PPFIBP2: variants seen among roughly 807,000 people sequenced by gnomAD.
PPFIBP2 encodes the protein liprin-beta-2.
Under a neutral mutation model 118.3 loss-of-function variants are expected in PPFIBP2, and 118 were observed. The observed-to-expected ratio is 1.00, with a 90% confidence interval of 0.86 to 1.16. The LOEUF is 1.16. PPFIBP2 is among the 50% of genes most tolerant of loss of function. PPFIBP2 has a pLI of 0.00. For synonymous variants in PPFIBP2, 414 were observed against 397.4 expected, an observed-to-expected ratio of 1.04 and a Z score of -0.50; for missense variants, 1,195 against 1,073.1, an observed-to-expected ratio of 1.11 and a Z score of -1.59.
At chr11:7,536,151 G>A (rs1851191374) in intron 1 of PPFIBP2, among the ~76,000 whole-genome samples, 1 of 152,208 alleles carries the variant, frequency 6.6e-6, no homozygotes, top group African/African-American at 2.4e-5. Flanking sequence ...TAAGTGTCTT[G>A]CCCTGGGACA....
downstream of PPFIBP2, among the ~76,000 whole-genome samples, chr11:7,660,988 G>A (rs1341860750): frequency 6.6e-6 from 1 of 151,818 alleles, no homozygotes; most frequent in Non-Finnish European, 1.5e-5. Context: ...GGGATCGGTG[G>A]TGATATCCCC....
At chr11:7,648,268 TAA>T in intron 17 of PPFIBP2, 117 bp from the exon 18 acceptor site, 1 of 1,204,208 alleles carries the variant, frequency 8.3e-7, no homozygotes, top group Non-Finnish European at 1.1e-6. Context: ...GGTTGTTTGT[TAA>T]AAAACAGGTT....
chr11:7,629,572 A>C (rs781507861), intron 10 of PPFIBP2, 38 bp downstream of exon 10: 2 of 1,596,846 alleles, frequency 1.3e-6, no homozygotes, highest in Non-Finnish European at 1.7e-6. Flanking sequence ...TCTCTGAAAG[A>C]TATTCCATCA....
chr11:7,645,030 A>C (rs71474919), intron 17 of PPFIBP2, among the ~76,000 whole-genome samples: 1,885 of 14,078 alleles, frequency 0.13, 137 homozygotes, highest in Middle Eastern at 0.26. Flanking sequence ...CCGTCTCAAA[A>C]AAAAAAAAAA....
rs539028133 is a variant in PPFIBP2 at position 7,651,725 on chromosome 11, C to G, written c.2317C>G (p.Leu773Val). The change falls in exon 23 of 24, where the codon CTC becomes GTC. Residue 773 changes from leucine to valine, a missense_variant. Leu to Val is a conservative substitution (Grantham distance 32). Transcript: ENST00000299492. ...LLNIPPQKTL[L>V]RRHLTTKFNA... The stretch of plus-strand genomic sequence containing the variant: ...CAACATCCCCCCACAAAAGACGCTC[C>G]TCAGGCGCCACCTGACCACCAAGTT... 1.2e-6 allele frequency: 2 copies of G among 1,614,082 alleles called. No homozygotes were observed. The highest frequency in any genetic ancestry group is 2.2e-5 in the East Asian group (1 of 44,880).
intron 7 of PPFIBP2, 23 bp downstream of exon 7, chr11:7,621,050 A>G: frequency 6.5e-7 from 1 of 1,547,556 alleles, no homozygotes; most frequent in South Asian, 1.1e-5. Context: ...CCTGATGCTT[A>G]TGGAGAGAGT....
chr11:7,628,008 T>A (rs1850248539), intron 8 of PPFIBP2, among the ~76,000 whole-genome samples: 1 of 152,188 alleles, frequency 6.6e-6, no homozygotes, highest in Non-Finnish European at 1.5e-5. Flanking sequence ...TTTGAAAGAT[T>A]TTTGGCTTCC....
chr11:7,558,095 A>T (rs116343222), intron 2 of PPFIBP2, among the ~76,000 whole-genome samples: 130 of 152,346 alleles, frequency 8.5e-4, no homozygotes, highest in African/African-American at 2.8e-3. Flanking sequence ...TGCAGTGAGA[A>T]ACTACTCAAA....
chr11:7,628,066 T>C (rs1268678985), intron 8 of PPFIBP2, among the ~76,000 whole-genome samples: 1 of 152,208 alleles, frequency 6.6e-6, no homozygotes, highest in Non-Finnish European at 1.5e-5. Context: ...CATAAATGTC[T>C]ATAAAGAGAA....
At chr11:7,617,946 C>T (rs1848868552) in intron 6 of PPFIBP2, among the ~76,000 whole-genome samples, 1 of 152,244 alleles carries the variant, frequency 6.6e-6, no homozygotes, top group South Asian at 2.1e-4. Context: ...TGTGACTTTG[C>T]TGATGGCAGG....
rs537418863 is a variant in PPFIBP2, at chr11:7,593,133, C to T, written c.281C>T (p.Ser94Phe). Residue 94 changes from serine (S) to phenylalanine (F), a missense_variant and splice_region_variant, in exon 4 of 24, where the codon TCC (serine) becomes TTC (phenylalanine). By Grantham distance (155) the Ser-to-Phe change is radical. Coordinates refer to ENST00000299492, the MANE Select transcript of PPFIBP2 (RefSeq NM_003621.5). Reference protein sequence around the residue: ...YIKEWFEESLSQVNHHSAASN... With the variant: ...YIKEWFEESLFQVNHHSAASN... ...TTCTTTTTTTTCTGTCCTCTTTAGT[C>T]CCAGGTAAACCACCACAGTGCTGCT... is the stretch of plus-strand genomic sequence containing the variant. 1.9e-6 allele frequency: 3 copies of T among 1,613,550 alleles called. No individual in the cohort carries two copies. In the African/African-American group the frequency reaches 4.0e-5, roughly 22 times the overall value.
In PPFIBP2 at chr11:7,642,278, A is replaced by G. The variant is rs377069534; in HGVS notation, c.1518-20A>G. 3.1e-6 allele frequency: 5 copies of G among 1,613,272 alleles called. No individual in the cohort carries two copies. The highest frequency in any genetic ancestry group is 1.7e-6 in the Non-Finnish European group (2 of 1,179,702). ...TTCTGACTATTCCATGACCGTCTCC[A>G]TGGATTCTTCTCCATGCAGAATCCG... On this transcript the variant is annotated intron_variant, in intron 16 of 23. Coordinates refer to ENST00000299492, the MANE Select transcript of PPFIBP2 (RefSeq NM_003621.5).
intron 23 of PPFIBP2, among the ~76,000 whole-genome samples, chr11:7,652,161 C>T (rs191054064): frequency 1.2e-4 from 19 of 152,366 alleles, no homozygotes; most frequent in Non-Finnish European, 2.9e-5. Flanking sequence ...GGAAGCGCTC[C>T]GAGTCTGGCT....
chr11:7,537,509 G>A (rs1411297063), intron 1 of PPFIBP2, among the ~76,000 whole-genome samples: 4 of 152,336 alleles, frequency 2.6e-5, no homozygotes, highest in East Asian at 1.9e-4. Context: ...ATCTTAGAAC[G>A]TGTGAGTTAT....
At chr11:7,629,247 A>T (rs1194909982) in intron 9 of PPFIBP2, among the ~76,000 whole-genome samples, 1 of 152,172 alleles carries the variant, frequency 6.6e-6, no homozygotes, top group African/African-American at 2.4e-5. Flanking sequence ...CAGATGACTC[A>T]CAGTCTTCAG....
At chr11:7,592,252 C>A (rs1859461979) in intron 3 of PPFIBP2, among the ~76,000 whole-genome samples, 1 of 152,144 alleles carries the variant, frequency 6.6e-6, no homozygotes, top group African/African-American at 2.4e-5. Flanking sequence ...AGCTTGGTGA[C>A]ATTAGCTCCT....
At chr11:7,614,553 G>T (rs1848420767) in intron 6 of PPFIBP2, among the ~76,000 whole-genome samples, 1 of 152,110 alleles carries the variant, frequency 6.6e-6, no homozygotes, top group African/African-American at 2.4e-5. Context: ...CCAAGTTTCT[G>T]CTATTACAAA....
intron 1 of PPFIBP2, among the ~76,000 whole-genome samples, chr11:7,540,092 C>T (rs1448291467): frequency 6.6e-6 from 1 of 152,248 alleles, no homozygotes; most frequent in African/African-American, 2.4e-5. Flanking sequence ...ACTCTCCTAA[C>T]TGCTCTGTGG....
chr11:7,572,218 T>C (rs6578877), intron 3 of PPFIBP2, among the ~76,000 whole-genome samples: 57,885 of 151,678 alleles, frequency 0.38, 12,958 homozygotes, highest in African/African-American at 0.63. Flanking sequence ...CTTCCATTCC[T>C]GCAGGCATTT....
Sources: allele counts gnomAD v4.1 joint callset (sites outside exome capture counted in the v4.1 genomes callset), GRCh38; gene constraint gnomAD v4.1.1; transcripts MANE v1.5; gene names NCBI Gene and HGNC (gene_info 2026-07-23, HGNC 2026-07-21).